SLC25A26: variants seen among roughly 807,000 people sequenced by gnomAD.
SLC25A26 encodes solute carrier family 25 member 26.
Under a neutral mutation model 37.8 loss-of-function variants are expected in SLC25A26, and 36 were observed. That is an observed-to-expected ratio of 0.95 (90% confidence interval 0.73 to 1.26). SLC25A26 has a LOEUF of 1.26. Among genes scored for constraint, SLC25A26 ranks in the 50% most tolerant of loss-of-function variants. The pLI, the probability that SLC25A26 is intolerant of heterozygous loss-of-function variation, is 0.00. For synonymous variants in SLC25A26, 129 were observed against 122.5 expected, an observed-to-expected ratio of 1.05 and a Z score of -0.35; for missense variants, 390 against 331.1, an observed-to-expected ratio of 1.18 and a Z score of -1.38.
At chr3:66,216,433 AC>A (rs1247443678), upstream of SLC25A26, among the ~76,000 whole-genome samples, 2 of 151,864 alleles carry the variant, frequency 1.3e-5, no homozygotes, top group African/African-American at 4.8e-5. Context: ...GATTGCTTGA[AC>A]CCGGAGGTTG....
chr3:66,148,847 T>C (rs1445479653), intron 1 of SLC25A26, among the ~76,000 whole-genome samples: 4 of 152,206 alleles, frequency 2.6e-5, no homozygotes, highest in South Asian at 4.1e-4. Flanking sequence ...CATGAGCCAC[T>C]GTGCCTGGAC....
In SLC25A26 at chr3:66,147,089, C is replaced by T. The variant is rs1425213686; in HGVS notation, c.-354+13105C>T. ...CTCCCCTTCCCTTCCCTCCCCTCCC[C>T]TCCCCTCCCCTCCCCTCCCCTCCCC... On this transcript the variant is annotated intron_variant, in intron 1 of 10. Transcript: ENST00000676754. Among the ~76,000 whole-genome samples, 7 of 27,156 alleles carry T rather than the reference C, an allele frequency of 2.6e-4. No homozygotes were observed. The South Asian group carries it at 7.9e-3, about 31-fold the overall frequency. The allele number at this position is 27,156 out of a possible 152,430, so 17.8% of individuals were successfully genotyped here. A position where few individuals can be genotyped will look rare whatever the true frequency, so the allele number is the denominator to read the frequency against.
intron 5 of SLC25A26, among the ~76,000 whole-genome samples, chr3:66,273,791 G>T (rs1057429434): frequency 6.6e-6 from 1 of 152,126 alleles, no homozygotes; most frequent in Non-Finnish European, 1.5e-5. Context: ...TCATGGATAG[G>T]AAGAATCAAT....
intron 1 of SLC25A26, among the ~76,000 whole-genome samples, chr3:66,205,857 A>G (rs2071169681): frequency 1.3e-5 from 2 of 152,194 alleles, no homozygotes; most frequent in Admixed American, 1.3e-4. Flanking sequence ...ATGGACCCTG[A>G]GAGAAGGACT....
At chr3:66,201,695 T>C (rs2106814150) in intron 1 of SLC25A26, among the ~76,000 whole-genome samples, 1 of 152,340 alleles carries the variant, frequency 6.6e-6, no homozygotes, top group East Asian at 1.9e-4. Context: ...TAACAATTTT[T>C]AATCCTTCAC....
intron 1 of SLC25A26, among the ~76,000 whole-genome samples, chr3:66,198,448 C>T (rs919021951): frequency 1.3e-3 from 200 of 152,094 alleles, no homozygotes; most frequent in Non-Finnish European, 2.4e-3. Context: ...TCATAGTGAC[C>T]CTCACTAGGA....
intron 6 of SLC25A26, among the ~76,000 whole-genome samples, chr3:66,346,887 G>T (rs1292325192): frequency 6.6e-6 from 1 of 152,096 alleles, no homozygotes; most frequent in African/African-American, 2.4e-5. Flanking sequence ...ATGGGGAGCA[G>T]CAGGGTCTTA....
At chr3:66,283,028 T>C (rs1313812952) in intron 5 of SLC25A26, among the ~76,000 whole-genome samples, 1 of 152,222 alleles carries the variant, frequency 6.6e-6, no homozygotes, top group Non-Finnish European at 1.5e-5. Flanking sequence ...AATAGTTTCT[T>C]CCTTTTTATT....
chr3:66,227,874 T>C (rs1248800295), intron 1 of SLC25A26, among the ~76,000 whole-genome samples: 1 of 152,154 alleles, frequency 6.6e-6, no homozygotes, highest in African/African-American at 2.4e-5. Flanking sequence ...GAATGAAGTA[T>C]TGGGTATACT....
intron 5 of SLC25A26, among the ~76,000 whole-genome samples, chr3:66,288,779 A>G (rs552559741): frequency 1.3e-5 from 2 of 152,202 alleles, no homozygotes; most frequent in African/African-American, 4.8e-5. Flanking sequence ...TAGTGCCGCA[A>G]TAAACATACT....
At chr3:66,146,389 TA>T (rs1391634112) in intron 1 of SLC25A26, among the ~76,000 whole-genome samples, 1 of 151,776 alleles carries the variant, frequency 6.6e-6, no homozygotes, top group Admixed American at 6.6e-5. Context: ...TTTTGCTATA[TA>T]AAAAAACCTG....
intron 7 of SLC25A26, among the ~76,000 whole-genome samples, chr3:66,363,680 T>C (rs766599728): frequency 2.6e-5 from 4 of 152,234 alleles, no homozygotes; most frequent in Non-Finnish European, 5.9e-5. Flanking sequence ...AAGGAAACTT[T>C]TAGTTGAGAT....
chr3:66,306,719 A>C (rs893739797), intron 5 of SLC25A26, among the ~76,000 whole-genome samples: 1 of 151,804 alleles, frequency 6.6e-6, no homozygotes, highest in African/African-American at 2.4e-5. Flanking sequence ...ATGTGTTCTC[A>C]TTGTTCACCT....
At chr3:66,357,718 A>G (rs2107788001) in intron 6 of SLC25A26, among the ~76,000 whole-genome samples, 1 of 152,124 alleles carries the variant, frequency 6.6e-6, no homozygotes, top group East Asian at 1.9e-4. Flanking sequence ...GATTCTTAAA[A>G]AAAAAAAACT....
At chr3:66,143,164 T>TAA (rs538090656) in intron 1 of SLC25A26, among the ~76,000 whole-genome samples, 1 of 144,116 alleles carries the variant, frequency 6.9e-6, no homozygotes. Context: ...GGCTGAATAA[T>TAA]AAAAAAAAAA....
At chr3:66,291,497 C>T (rs760598941) in intron 5 of SLC25A26, among the ~76,000 whole-genome samples, 7 of 152,092 alleles carry the variant, frequency 4.6e-5, no homozygotes, top group Non-Finnish European at 7.4e-5. Context: ...GATTCCGGTA[C>T]GTTGTGTATT....
At chr3:66,153,439 G>A (rs1441167571) in intron 1 of SLC25A26, among the ~76,000 whole-genome samples, 1 of 152,140 alleles carries the variant, frequency 6.6e-6, no homozygotes, top group African/African-American at 2.4e-5. Context: ...TGTTTAAAAC[G>A]AAGTTTCCTG....
intron 6 of SLC25A26, among the ~76,000 whole-genome samples, chr3:66,353,394 G>C (rs1394602374): frequency 6.6e-6 from 1 of 152,216 alleles, no homozygotes; most frequent in Non-Finnish European, 1.5e-5. Flanking sequence ...TGTGAAAATG[G>C]AAGGAGAGTT....
chr3:66,240,061 A>C (rs900229965), intron 2 of SLC25A26, among the ~76,000 whole-genome samples: 12 of 152,050 alleles, frequency 7.9e-5, no homozygotes, highest in Admixed American at 7.2e-4. Flanking sequence ...TATGGCACTA[A>C]CCACGACAAA....
Sources: gnomAD v4.1 joint callset for allele counts (sites outside exome capture counted in the v4.1 genomes callset) on GRCh38, gnomAD v4.1.1 for gene constraint, MANE v1.5 for transcripts, NCBI Gene and HGNC (gene_info 2026-07-23, HGNC 2026-07-21) for gene names.